FMN1: variants seen among roughly 807,000 people sequenced by gnomAD.
FMN1 encodes the protein formin 1.
A neutral mutation model predicts 132.4 loss-of-function variants in FMN1; 110 were observed. That is an observed-to-expected ratio of 0.83 (90% CI 0.71 to 0.97). The LOEUF is 0.97. FMN1 is among the 50% of genes least tolerant of loss of function. FMN1 has a pLI of 0.00. For missense variants in FMN1, 1,792 were observed against 1,705.3 expected (o/e 1.05, Z -0.90); for synonymous variants, 722 against 651.7 (o/e 1.11, Z -1.64).
At chr15:33,054,847 T>G (rs1315722850) in intron 6 of FMN1, among the ~76,000 whole-genome samples, 1 of 152,210 alleles carries the variant, frequency 6.6e-6, no homozygotes, top group Non-Finnish European at 1.5e-5. Flanking sequence ...TTCTAGCTAC[T>G]TGTATCTTAC....
At chr15:33,121,472 A>G (rs1962548462) in intron 4 of FMN1, among the ~76,000 whole-genome samples, 1 of 152,200 alleles carries the variant, frequency 6.6e-6, no homozygotes, top group Non-Finnish European at 1.5e-5. Flanking sequence ...ACAAAGGTAG[A>G]AATCATTTGT....
rs1566899546 is a variant in FMN1, at chr15:33,082,092, A to AGTGTGT, written c.2043+6706_2043+6707insACACAC. ...CGCTTTGTCACCCAGGCTGGAAAAC[A>AGTGTGT]ATGTGTGTGTGTGTGTGTGTGTGTG... On this transcript the variant is annotated intron_variant, in intron 5 of 20. Coordinates refer to ENST00000616417, the MANE Select transcript of FMN1 (RefSeq NM_001277313.2). Among the ~76,000 whole-genome samples, 203 of 87,980 alleles carry AGTGTGT rather than the reference A, an allele frequency of 2.3e-3. 1 individual carries two copies. The highest frequency in any genetic ancestry group is 6.5e-3 in the African/African-American group (166 of 25,624). The allele number at this position is 87,980 out of a possible 152,430, so 57.7% of individuals were successfully genotyped here.
rs143697169 is a variant in FMN1 at position 32,996,624 on chromosome 15, T to A, written c.2223+11390A>T. ...TATATAAAGACTGGCACATAGTAAA[T>A]GCTCAATTAAGTACCAAATATTATT... On this transcript the variant is annotated intron_variant, in intron 7 of 20. Transcript: ENST00000616417. 5.3e-5 allele frequency among the ~76,000 whole-genome samples: 8 copies of A among 152,312 alleles called. No homozygotes were observed. The East Asian group carries it at 1.2e-3, about 22-fold the overall frequency.
intron 7 of FMN1, among the ~76,000 whole-genome samples, chr15:32,971,016 C>G (rs994182259): frequency 1.3e-5 from 2 of 152,134 alleles, no homozygotes; most frequent in Admixed American, 6.5e-5. Context: ...CGCTGAGTGC[C>G]GAGTTTGGAC....
At chr15:33,012,517 G>A in intron 6 of FMN1, 1 of 1,503,862 alleles carries the variant, frequency 6.6e-7, no homozygotes, top group South Asian at 1.1e-5. Context: ...GGAAGTGATT[G>A]AAATCATGAC....
At chr15:33,063,534 G>A (rs1004225291) in intron 6 of FMN1, 14 of 152,172 alleles carry the variant, frequency 9.2e-5, no homozygotes, top group African/African-American at 3.4e-4. Context: ...CTCTGTGAAA[G>A]GTCTCTAATA....
At position 32,767,855 on chromosome 15, in the gene FMN1, GGATTT is replaced by G. The variant is rs1261018128; in HGVS notation, c.*6450_*6454del. On this transcript the variant is annotated 3_prime_UTR_variant, in exon 21 of 21. Transcript: ENST00000616417. Reference sequence around the variant, plus strand: ...ATACTAGACTTTCCCTCTCACTCATGGATTTGTTTTCAATGGAAATGGAAGCCTTC... The same window carrying G: ...ATACTAGACTTTCCCTCTCACTCATGGTTTTCAATGGAAATGGAAGCCTTC... 2.6e-5 allele frequency: 4 copies of G among 152,082 alleles called. No homozygotes were observed. Among genetic ancestry groups the G allele is most frequent in the Admixed American group, 6.5e-5 (1 of 15,274 alleles). The allele number at this position is 152,082 out of a possible 1,614,324, so 9.4% of individuals were successfully genotyped here. A position where few individuals can be genotyped will look rare whatever the true frequency, so the allele number is the denominator to read the frequency against.
intron 6 of FMN1, among the ~76,000 whole-genome samples, chr15:33,048,651 C>CAAAAAAAAAAAAAAAAAA (rs1338668794): frequency 8.3e-6 from 1 of 120,128 alleles, no homozygotes; most frequent in Non-Finnish European, 1.8e-5. Flanking sequence ...AAAAAAAAAC[C>CAAAAAAAAAAAAAAAAAA]AACAGTTTAA....
chr15:33,126,154 C>G (rs530976563), intron 4 of FMN1, among the ~76,000 whole-genome samples: 2 of 152,182 alleles, frequency 1.3e-5, no homozygotes, highest in East Asian at 3.9e-4. Flanking sequence ...GAGTTTATCC[C>G]CGGTCATGAG....
At chr15:32,990,376 CA>C (rs1427601786) in intron 7 of FMN1, among the ~76,000 whole-genome samples, 2 of 152,060 alleles carry the variant, frequency 1.3e-5, no homozygotes, top group Non-Finnish European at 2.9e-5. Flanking sequence ...TCGAGGATGT[CA>C]ACACTGACTC....
chr15:33,104,392 T>G (rs1421939563), intron 4 of FMN1, among the ~76,000 whole-genome samples: 2 of 152,178 alleles, frequency 1.3e-5, no homozygotes, highest in Admixed American at 6.6e-5. Context: ...CAACAGTGAC[T>G]TGTTGCTAAG....
chr15:32,909,833 C>CT (rs1020943694), intron 11 of FMN1, among the ~76,000 whole-genome samples: 1 of 151,966 alleles, frequency 6.6e-6, no homozygotes, highest in Non-Finnish European at 1.5e-5. Flanking sequence ...GTCCTGTTGA[C>CT]TTTCAAAATA....
chr15:32,974,655 G>T (rs1596377668), intron 7 of FMN1, among the ~76,000 whole-genome samples: 1 of 152,282 alleles, frequency 6.6e-6, no homozygotes, highest in African/African-American at 2.4e-5. Context: ...CTTTGCACAG[G>T]TGTCTTTAAA....
intron 18 of FMN1, among the ~76,000 whole-genome samples, chr15:32,799,344 T>C (rs2057400239): frequency 6.6e-6 from 1 of 152,186 alleles, no homozygotes; most frequent in African/African-American, 2.4e-5. Flanking sequence ...CAGCGGTCAG[T>C]TCGATAGCTC....
At chr15:32,965,013 G>A (rs979233403) in intron 8 of FMN1, among the ~76,000 whole-genome samples, 4 of 152,168 alleles carry the variant, frequency 2.6e-5, no homozygotes, top group African/African-American at 7.2e-5. Context: ...AACAGCCTCC[G>A]TGAGCTGACT....
At chr15:32,824,314 T>C (rs576059416) in intron 17 of FMN1, among the ~76,000 whole-genome samples, 1 of 152,354 alleles carries the variant, frequency 6.6e-6, no homozygotes, top group South Asian at 2.1e-4. Context: ...GATTCTTACA[T>C]GGTCCTCTTA....
chr15:32,926,341 A>AT lies in FMN1; in HGVS notation c.3139-81dup, dbSNP rs1427205432. 8.4e-6 allele frequency: 6 copies of AT among 712,838 alleles called. No homozygotes were observed. In the Admixed American group the frequency reaches 1.3e-4, roughly 16 times the overall value. 44.2% of individuals were successfully genotyped at this position (712,838 alleles called of 1,614,324 possible). On this transcript the variant is annotated intron_variant, in intron 9 of 20. Transcript: ENST00000616417. Reference sequence around the variant, plus strand: ...TCAGGACGCACACCAAAAACATTAAATTTTTTTAGATACACTGATTGATGA... The same window carrying AT: ...TCAGGACGCACACCAAAAACATTAAATTTTTTTTAGATACACTGATTGATGA...
At chr15:33,122,839 G>A (rs568373448) in intron 4 of FMN1, among the ~76,000 whole-genome samples, 8 of 152,218 alleles carry the variant, frequency 5.3e-5, no homozygotes, top group African/African-American at 1.2e-4. Flanking sequence ...CTTATATATA[G>A]GAATAGAAAG....
At position 32,768,803 on chromosome 15, in the gene FMN1, A is replaced by G. The variant is rs1290085772; in HGVS notation, c.*5507T>C. ...AGAAGATTTAAAAATAGAAAATTAC[A>G]TAAGCGTAGAGGGAATGTAGAAAAA... On this transcript the variant is annotated 3_prime_UTR_variant, in exon 21 of 21. Coordinates refer to ENST00000616417, the MANE Select transcript of FMN1 (RefSeq NM_001277313.2). The G allele has an allele frequency of 6.6e-6, 1 of 152,280 alleles. No homozygotes were observed. The highest frequency in any genetic ancestry group is 2.4e-5 in the African/African-American group (1 of 41,480). 9.4% of individuals were successfully genotyped at this position (152,280 alleles called of 1,614,324 possible).
Sources: allele counts gnomAD v4.1 joint callset (sites outside exome capture counted in the v4.1 genomes callset), GRCh38; gene constraint gnomAD v4.1.1; transcripts MANE v1.5; gene names NCBI Gene and HGNC (gene_info 2026-07-23, HGNC 2026-07-21).